Variants in TENM2 observed in about 807,000 individuals in gnomAD.
The protein encoded by TENM2 is teneurin-2.
Under a neutral mutation model 245.2 loss-of-function variants are expected in TENM2, and 52 were observed. That is an observed-to-expected ratio of 0.21 (90% CI 0.17 to 0.27). TENM2 has a LOEUF of 0.27. Among genes scored for constraint, TENM2 ranks in the 10% least tolerant of loss-of-function variants. The pLI is 1.00. For synonymous variants in TENM2, 1,363 were observed against 1,438.9 expected, an observed-to-expected ratio of 0.95 and a Z score of 1.19; for missense variants, 3,046 against 3,666.8, an observed-to-expected ratio of 0.83 and a Z score of 4.37.
Position 168,098,139 on chromosome 5 carries a change from C to A in TENM2, c.1813+12C>A, listed in dbSNP as rs1473550707. Reference sequence around the variant, plus strand: ...AGACTGTGCTAAAGGTATGTGCCGCCACTTCCCTGCTATGGTTGGAAAACA... The same window carrying A: ...AGACTGTGCTAAAGGTATGTGCCGCAACTTCCCTGCTATGGTTGGAAAACA... On this transcript the variant is annotated intron_variant, in intron 9 of 28. Coordinates refer to ENST00000518659, the Ensembl canonical transcript of TENM2. 6.3e-7 allele frequency: 1 copy of A among 1,595,370 alleles called. No individual in the cohort carries two copies. Among genetic ancestry groups the A allele is most frequent in the African/African-American group, 1.3e-5 (1 of 74,640 alleles).
Position 167,312,903 on chromosome 5 carries a change from G to A in TENM2, c.226+27840G>A, listed in dbSNP as rs115682961. Among the ~76,000 whole-genome samples, 162 of 111,942 alleles carry A rather than the reference G, an allele frequency of 1.4e-3. 1 individual carries two copies. The highest frequency in any genetic ancestry group is 5.6e-3 in the African/African-American group (153 of 27,452). 73.4% of individuals were successfully genotyped at this position (111,942 alleles called of 152,430 possible). On this transcript the variant is annotated intron_variant, in intron 1 of 28. Transcript: ENST00000518659. The stretch of plus-strand genomic sequence containing the variant: ...CCTGCCCTCATGAAACCTTGACCTT[G>A]ACTCTTTTTTTTTTTTTTAAATGGA...
At chr5:167,303,885 G>C (rs1005362942) in intron 1 of TENM2, among the ~76,000 whole-genome samples, 1 of 152,134 alleles carries the variant, frequency 6.6e-6, no homozygotes, top group Admixed American at 6.5e-5. Flanking sequence ...GCAGGTTGGT[G>C]CTTCCAGGGA....
chr5:167,529,095 C>T (rs1055526819), intron 2 of TENM2, among the ~76,000 whole-genome samples: 2 of 152,112 alleles, frequency 1.3e-5, no homozygotes, highest in Non-Finnish European at 2.9e-5. Flanking sequence ...TGGCTTCTCT[C>T]CTTTTATCTG....
At chr5:167,612,845 G>GCCAC (rs1246086910) in intron 2 of TENM2, among the ~76,000 whole-genome samples, 4 of 152,006 alleles carry the variant, frequency 2.6e-5, no homozygotes, top group African/African-American at 9.7e-5. Context: ...CCAAATGGTG[G>GCCAC]CATTTGGAAA....
At chr5:167,080,774 A>G in the TENM2 span, among the ~76,000 whole-genome samples, 600 of 152,288 alleles carry the variant, frequency 3.9e-3, 5 homozygotes, top group Middle Eastern at 0.014. Flanking sequence ...TATCTTCTCA[A>G]AGAATATGTA....
chr5:168,254,781 T>C (rs1365367330), intron 27 of TENM2, among the ~76,000 whole-genome samples: 1 of 152,174 alleles, frequency 6.6e-6, no homozygotes, highest in East Asian at 1.9e-4. Flanking sequence ...TTGCGGTGGC[T>C]TACGCCTGTA....
chr5:167,020,775 C>G, the TENM2 span, among the ~76,000 whole-genome samples: 1 of 152,168 alleles, frequency 6.6e-6, no homozygotes, highest in African/African-American at 2.4e-5. Context: ...TATCCAATGT[C>G]TGCAATATGC....
chr5:168,196,960 T>C (rs552651617), intron 15 of TENM2, among the ~76,000 whole-genome samples: 11 of 152,316 alleles, frequency 7.2e-5, no homozygotes, highest in African/African-American at 2.6e-4. Context: ...CTCTTCAGCT[T>C]GTTCAGGTTG....
chr5:168,112,614 G>GGGGT (rs149417434), intron 9 of TENM2, among the ~76,000 whole-genome samples: 13 of 121,024 alleles, frequency 1.1e-4, no homozygotes, highest in Admixed American at 1.7e-4. Context: ...GGCGGGGGGG[G>GGGGT]GGTCAAACTT....
chr5:168,092,449 G>A (rs1400991584), intron 8 of TENM2, among the ~76,000 whole-genome samples: 1 of 152,186 alleles, frequency 6.6e-6, no homozygotes, highest in Non-Finnish European at 1.5e-5. Context: ...TTGAGTCATT[G>A]CAGCAGAGAC....
At chr5:167,572,457 T>C (rs1249105621) in intron 2 of TENM2, among the ~76,000 whole-genome samples, 1 of 152,218 alleles carries the variant, frequency 6.6e-6, no homozygotes, top group Admixed American at 6.5e-5. Flanking sequence ...TACTTTCGGA[T>C]ATTGGAATTG....
intron 12 of TENM2, among the ~76,000 whole-genome samples, chr5:168,132,463 C>T (rs181098529): frequency 1.7e-4 from 26 of 152,220 alleles, no homozygotes; most frequent in Admixed American, 1.1e-3. Context: ...GAGAAGAATT[C>T]TTGGTGTTTT....
At chr5:167,056,361 C>T in the TENM2 span, among the ~76,000 whole-genome samples, 1 of 150,444 alleles carries the variant, frequency 6.6e-6, no homozygotes. Flanking sequence ...ATTTTTCTCC[C>T]AAAATGTTAA....
chr5:167,006,101 G>A, the TENM2 span, among the ~76,000 whole-genome samples: 1 of 151,920 alleles, frequency 6.6e-6, no homozygotes, highest in Non-Finnish European at 1.5e-5. Flanking sequence ...TGCAGTTTTG[G>A]GTCCCTGCAC....
Position 168,227,095 on chromosome 5 carries a change from G to A in TENM2, c.5285-800G>A, listed in dbSNP as rs556177241. 2.0e-5 allele frequency among the ~76,000 whole-genome samples: 3 copies of A among 152,290 alleles called. No homozygotes were observed. In the East Asian group the frequency reaches 5.8e-4, roughly 29 times the overall value. ...TACACACTTGCTCACTGCCCCAAAA[G>A]CTGACATCTCAGAGGCCAGCCCAGG... On this transcript the variant is annotated intron_variant, in intron 24 of 28. Coordinates refer to ENST00000518659, the Ensembl canonical transcript of TENM2.
At chr5:167,008,181 G>A in the TENM2 span, among the ~76,000 whole-genome samples, 2 of 152,090 alleles carry the variant, frequency 1.3e-5, no homozygotes, top group African/African-American at 4.8e-5. Flanking sequence ...CCCTGTTACT[G>A]GGATTTCTGT....
intron 3 of TENM2, among the ~76,000 whole-genome samples, chr5:167,912,839 G>A (rs1229962343): frequency 1.3e-5 from 2 of 152,176 alleles, no homozygotes; most frequent in African/African-American, 2.4e-5. Context: ...AGAGTAACTA[G>A]AGAGTGGGGG....
chr5:168,165,115 A>G (rs1232642990), intron 13 of TENM2: 2 of 152,264 alleles, frequency 1.3e-5, no homozygotes, highest in Admixed American at 1.3e-4. Context: ...ATAGGAGTAC[A>G]CAATCAAAAC....
intron 2 of TENM2, among the ~76,000 whole-genome samples, chr5:167,669,314 A>G (rs1582702308): frequency 6.6e-6 from 1 of 152,034 alleles, no homozygotes; most frequent in Non-Finnish European, 1.5e-5. Flanking sequence ...AGTTCTTAAT[A>G]AGAAGTAAAA....
Sources: allele counts gnomAD v4.1 joint callset (sites outside exome capture counted in the v4.1 genomes callset), GRCh38; gene constraint gnomAD v4.1.1; transcripts MANE v1.5; gene names NCBI Gene and HGNC (gene_info 2026-07-23, HGNC 2026-07-21).